TMEM63A: variants seen among roughly 807,000 people sequenced by gnomAD.
TMEM63A encodes the protein mechanosensitive cation channel TMEM63A.
Under a neutral mutation model 100.6 loss-of-function variants are expected in TMEM63A, and 76 were observed. The observed-to-expected ratio is 0.76, with a 90% CI of 0.63 to 0.91. TMEM63A has a LOEUF of 0.91. Among genes scored for constraint, TMEM63A ranks in the 40% least tolerant of loss-of-function variants. The probability of loss-of-function intolerance (pLI) is 0.00; values close to 1 mark genes in which losing one functional copy is unlikely to be tolerated. For synonymous variants in TMEM63A, 401 were observed against 401.1 expected, an observed-to-expected ratio of 1.00 and a Z score of 0.00; for missense variants, 876 against 1,008.8, an observed-to-expected ratio of 0.87 and a Z score of 1.78.
At position 225,856,652 on chromosome 1, in the gene TMEM63A, C is replaced by T; in HGVS notation, c.1571G>A (p.Ser524Asn). Residue 524 changes from serine (S) to asparagine (N), a missense_variant and splice_region_variant, in exon 17 of 25, where the codon AGT becomes AAT. This residue lies in a region of TMEM63A where 487 missense variants were observed against 581.9 expected (regional missense o/e 0.84). Coordinates refer to ENST00000366835, the MANE Select transcript of TMEM63A (RefSeq NM_014698.3). ...TAGAGCAGAAGGTGGTGGCATATACCTGGTGAGACCCAGGGAGGGCAGGAT... is the reference window on the plus strand; with the variant it reads ...TAGAGCAGAAGGTGGTGGCATATACTTGGTGAGACCCAGGGAGGGCAGGAT... Reference protein sequence around the residue: ...VLILPSLGLTSLDFFFRWLFD... With the variant: ...VLILPSLGLTNLDFFFRWLFD... 3 of 1,613,620 alleles carry T rather than the reference C, an allele frequency of 1.9e-6. No homozygotes were observed. The highest frequency in any genetic ancestry group is 2.5e-6 in the Non-Finnish European group (3 of 1,179,846).
rs934347171 is a variant in TMEM63A at position 225,850,065 on chromosome 1, G to A, written c.1918C>T (p.Leu640=). The A allele has an allele frequency of 6.2e-7, 1 of 1,614,188 alleles. No individual in the cohort carries two copies. Among genetic ancestry groups the A allele is most frequent in the African/African-American group, 1.3e-5 (1 of 75,056 alleles). The change falls in exon 21 of 25, where the codon CTG becomes TTG. Residue 640 remains leucine (L), a synonymous_variant. Coordinates refer to ENST00000366835, the MANE Select transcript of TMEM63A (RefSeq NM_014698.3). The part of the protein sequence containing the change: ...IIAPFGLIYI[L]LKHMVDRHNL... ...TGCCGGTCCACCATGTGCTTGAGCA[G>A]GATGTAGATGAGGCCTGCAGGGGAT... is the stretch of plus-strand genomic sequence containing the variant.
At chr1:225,849,148 C>A in intron 21 of TMEM63A, 136 bp from the exon 22 acceptor site, 2 of 655,000 alleles carry the variant, frequency 3.1e-6, no homozygotes, top group Non-Finnish European at 2.7e-6. Context: ...AAAGGTAAGG[C>A]CTAACCCCCC....
At chr1:225,848,640 C>T (rs1669151653) in intron 22 of TMEM63A, 86 bp from the exon 23 acceptor site, 2 of 1,402,766 alleles carry the variant, frequency 1.4e-6, no homozygotes, top group Non-Finnish European at 2.0e-6. Flanking sequence ...CTATTAACAC[C>T]CGGAATAATA....
downstream of TMEM63A, among the ~76,000 whole-genome samples, chr1:225,843,665 AG>A (rs1187986739): frequency 3.9e-5 from 6 of 152,176 alleles, no homozygotes; most frequent in Non-Finnish European, 5.9e-5. Context: ...CAAATCCCTG[AG>A]CAGGAGGTAG....
intron 2 of TMEM63A, among the ~76,000 whole-genome samples, chr1:225,878,856 A>G (rs1670942394): frequency 6.7e-6 from 1 of 150,044 alleles, no homozygotes; most frequent in Non-Finnish European, 1.5e-5. Flanking sequence ...ACAATCACAC[A>G]TGGACACCTA....
intron 2 of TMEM63A, among the ~76,000 whole-genome samples, chr1:225,877,946 G>A (rs1410430593): frequency 1.3e-5 from 2 of 152,208 alleles, no homozygotes; most frequent in African/African-American, 2.4e-5. Context: ...TCGAGGACTC[G>A]TGTTGGGAAA....
At position 225,850,010 on chromosome 1, in the gene TMEM63A, T is replaced by C. The variant is rs768300074; in HGVS notation, c.1973A>G (p.Lys658Arg). Residue 658 changes from lysine to arginine, a missense_variant, in exon 21 of 25, where the codon AAG becomes AGG. By Grantham distance (26) the Lys-to-Arg change is conservative. Transcript: ENST00000366835. ...GGCAAAGTGGATCCCCTTCTCCAGC[T>C]TGGCTGGGAGGTAGACGAAGTAGAG... is the stretch of plus-strand genomic sequence containing the variant. ...HNLYFVYLPA[K>R]LEKGIHFAAV... 3.7e-6 allele frequency: 6 copies of C among 1,614,072 alleles called. No homozygotes were observed. The highest frequency in any genetic ancestry group is 3.3e-5 in the South Asian group (3 of 91,080).
intron 5 of TMEM63A, 108 bp downstream of exon 5, chr1:225,871,858 CCTTCGTCGATGCAGAAAAGCA>C: frequency 1.5e-6 from 1 of 673,596 alleles, no homozygotes; most frequent in Middle Eastern, 3.0e-4. Context: ...AGTTCAGGTG[CCTTCGTCGATGCAGAAAAGCA>C]CTTTCTCCAG....
rs558889738 is a variant in TMEM63A at position 225,872,941 on chromosome 1, G to A, written c.267-888C>T. Among the ~76,000 whole-genome samples the A allele has an allele frequency of 1.2e-4, 18 of 152,112 alleles. No homozygotes were observed. The South Asian group carries it at 2.7e-3, about 23-fold the overall frequency. Reference sequence around the variant, plus strand: ...ACTCCTGACCTCATGATCCACCCCCGCCTCGGCCTCCCAAAGTGCTGGGAT... The same window carrying A: ...ACTCCTGACCTCATGATCCACCCCCACCTCGGCCTCCCAAAGTGCTGGGAT... On this transcript the variant is annotated intron_variant, in intron 4 of 24. Coordinates refer to ENST00000366835, the MANE Select transcript of TMEM63A (RefSeq NM_014698.3).
At chr1:225,845,405 T>G (rs1668888575), downstream of TMEM63A, 3 of 1,510,116 alleles carry the variant, frequency 2.0e-6, no homozygotes, top group African/African-American at 2.8e-5. Flanking sequence ...AGGCTTTTCT[T>G]GGGGAAGATA....
downstream of TMEM63A, among the ~76,000 whole-genome samples, chr1:225,843,148 A>G (rs1417867108): frequency 6.6e-6 from 1 of 152,212 alleles, no homozygotes; most frequent in Non-Finnish European, 1.5e-5. Flanking sequence ...GAACAGTGGG[A>G]GAGCCCAGTA....
intron 5 of TMEM63A, 76 bp downstream of exon 5, chr1:225,871,911 C>A: frequency 8.6e-7 from 1 of 1,161,050 alleles, no homozygotes; most frequent in South Asian, 1.3e-5. Context: ...CAAGATCCGC[C>A]CTGCTCCCTC....
intron 4 of TMEM63A, among the ~76,000 whole-genome samples, chr1:225,872,261 CTA>C (rs1491426759): frequency 1.3e-5 from 2 of 152,152 alleles, no homozygotes; most frequent in Non-Finnish European, 2.9e-5. Flanking sequence ...GTATAAAACT[CTA>C]TGTTATACGG....
rs1669459165 is a variant in TMEM63A, at chr1:225,853,566, G to C, written c.1797+63C>G. The C allele has an allele frequency of 6.9e-7, 1 of 1,444,826 alleles. No individual in the cohort carries two copies. Among genetic ancestry groups the C allele is most frequent in the Admixed American group, 2.6e-5 (1 of 38,698 alleles). 89.5% of individuals were successfully genotyped at this position (1,444,826 alleles called of 1,614,324 possible). A position where few individuals can be genotyped will look rare whatever the true frequency, so the allele number is the denominator to read the frequency against. ...GGGGTAGTGGGGGTGAGAGGCCCTCGGGTCAGTGAAGGGGGACATGGGAGG... is the reference window on the plus strand; with the variant it reads ...GGGGTAGTGGGGGTGAGAGGCCCTCCGGTCAGTGAAGGGGGACATGGGAGG... On this transcript the variant is annotated intron_variant, in intron 19 of 24. Coordinates refer to ENST00000366835, the MANE Select transcript of TMEM63A (RefSeq NM_014698.3). The surrounding 1 kb of genome is among the most constrained non-coding windows in gnomAD (Gnocchi z 4.0).
chr1:225,855,085 C>T (rs1301722022), intron 18 of TMEM63A, among the ~76,000 whole-genome samples: 2 of 152,202 alleles, frequency 1.3e-5, no homozygotes, highest in African/African-American at 2.4e-5. Context: ...CCCAACTCAT[C>T]AGCTTACTCA....
chr1:225,871,705 TTAAC>T, intron 5 of TMEM63A: 1 of 405,392 alleles, frequency 2.5e-6, no homozygotes, highest in Non-Finnish European at 4.4e-6. Context: ...AAGTCCATAA[TTAAC>T]TGTCATACAA....
chr1:225,855,758 G>A, intron 18 of TMEM63A, 120 bp downstream of exon 18: 1 of 978,682 alleles, frequency 1.0e-6, no homozygotes, highest in Admixed American at 2.9e-5. Flanking sequence ...TGTCTGGGGA[G>A]GAAGATGCCT....
Position 225,852,684 on chromosome 1 carries a change from C to A in TMEM63A, c.1883G>T (p.Cys628Phe). The A allele has an allele frequency of 1.9e-6, 3 of 1,613,306 alleles. No homozygotes were observed. Among genetic ancestry groups the A allele is most frequent in the Non-Finnish European group, 2.5e-6 (3 of 1,180,032 alleles). ...CTCACCAAATGGCGCGATGATGGGA[C>A]AAGTGATGCTGTAGGCCACGATGAC... ...FTVIVAYSIT[C>F]PIIAPFGLIY... The change falls in exon 20 of 25, where the codon TGT becomes TTT. Residue 628 changes from cysteine (C) to phenylalanine (F), a missense_variant. By Grantham distance (205) the Cys-to-Phe change is radical. This residue lies in a region of TMEM63A where 339 missense variants were observed against 342.3 expected (regional missense o/e 0.99). Transcript: ENST00000366835.
intron 2 of TMEM63A, among the ~76,000 whole-genome samples, chr1:225,878,735 A>C (rs1670936573): frequency 6.6e-6 from 1 of 152,190 alleles, no homozygotes; most frequent in Non-Finnish European, 1.5e-5. Flanking sequence ...ACAGGGACAA[A>C]GATCTTGAGA....
Sources: gnomAD v4.1 joint callset for allele counts (sites outside exome capture counted in the v4.1 genomes callset) on GRCh38, gnomAD v4.1.1 for gene constraint, gnomAD v4.1.1 regional missense constraint, Gnocchi (gnomAD v3.1) non-coding constraint, MANE v1.5 for transcripts, NCBI Gene and HGNC (gene_info 2026-07-23, HGNC 2026-07-21) for gene names.